Variants in ZNF619 observed in about 807,000 individuals in gnomAD.
ZNF619 encodes zinc finger protein 619.
ZNF619 carries 9 observed loss-of-function variants against 14.2 expected under a neutral mutation model. The ratio of observed to expected loss-of-function variants is 0.64; its 90% confidence interval spans 0.38 to 1.11. The LOEUF is 1.11. Ranked by LOEUF, ZNF619 falls within the 50% of genes least tolerant of loss-of-function variation. ZNF619 has a pLI of 0.01. For missense variants in ZNF619, 659 were observed against 680.1 expected, an observed-to-expected ratio of 0.97 and a Z score of 0.34; for synonymous variants, 246 against 252.8, an observed-to-expected ratio of 0.97 and a Z score of 0.26.
rs752578921 is a variant in ZNF619 at position 40,487,981 on chromosome 3, G to C, written c.1471G>C (p.Ala491Pro). The C allele has an allele frequency of 6.2e-7, 1 of 1,614,164 alleles. No homozygotes were observed. The highest frequency in any genetic ancestry group is 1.1e-5 in the South Asian group (1 of 91,080). The part of the protein sequence containing the change: ...KKLINGTGLS[A>P]VKPYCPCAIL... ...ACTCATCAATGGAACAGGGCTATCC[G>C]CAGTTAAGCCCTACTGTCCCTGCGC... Residue 491 changes from alanine (A) to proline (P), a missense_variant, in exon 5 of 5, where the codon GCA becomes CCA. By Grantham distance (27) the Ala-to-Pro change is conservative. Transcript: ENST00000432264.
chr3:40,483,127 T>C (rs1697461874), intron 4 of ZNF619, among the ~76,000 whole-genome samples: 1 of 152,162 alleles, frequency 6.6e-6, no homozygotes, highest in South Asian at 2.1e-4. Flanking sequence ...GGAGGATCCC[T>C]TGAGCCAGGA....
intron 4 of ZNF619, among the ~76,000 whole-genome samples, chr3:40,485,843 T>A (rs980318443): frequency 6.6e-6 from 1 of 152,172 alleles, no homozygotes; most frequent in African/African-American, 2.4e-5. Flanking sequence ...CCCGCTCCAA[T>A]TGCCATCTCC....
At position 40,482,678 on chromosome 3, in the gene ZNF619, G is replaced by T. The variant is rs779105655; in HGVS notation, c.269G>T (p.Gly90Val). Residue 90 changes from glycine to valine, a missense_variant, in exon 4 of 5, where the codon GGA becomes GTA. Coordinates refer to ENST00000432264, the MANE Select transcript of ZNF619 (RefSeq NM_001145093.4). ...CCAGATCCCTGGACACTTGCTGGGG[G>T]AGAGGCCCTGAGAGGCATGTGCACA... ...WGPDPWTLAGGEALRGMCTGG... is the reference protein window; with the variant it reads ...WGPDPWTLAGVEALRGMCTGG... The T allele has an allele frequency of 5.0e-6, 8 of 1,613,744 alleles. No homozygotes were observed. The highest frequency in any genetic ancestry group is 1.7e-5 in the Admixed American group (1 of 59,980).
chr3:40,481,919 G>T lies in ZNF619; in HGVS notation c.81G>T (p.Val27=). The T allele has an allele frequency of 6.2e-7, 1 of 1,613,896 alleles. No individual in the cohort carries two copies. Among genetic ancestry groups the T allele is most frequent in the Non-Finnish European group, 8.5e-7 (1 of 1,179,880 alleles). The change falls in exon 3 of 5, where the codon GTG becomes GTT. Residue 27 remains valine (V), a synonymous_variant. Transcript: ENST00000432264. Reference sequence around the variant, plus strand: ...CAGTAACCTTTGAGGATGTGGCTGTGTACTTCACCCAGAATGAATGGGCCA... The same window carrying T: ...CAGTAACCTTTGAGGATGTGGCTGTTTACTTCACCCAGAATGAATGGGCCA... ...QEPVTFEDVA[V]YFTQNEWASL...
At chr3:40,481,744 G>C in intron 2 of ZNF619, 119 bp from the exon 3 acceptor site, 1 of 1,360,450 alleles carries the variant, frequency 7.4e-7, no homozygotes, top group Non-Finnish European at 9.9e-7. Context: ...GGCTGCCCCT[G>C]CTGGGGTCCT....
Position 40,487,671 on chromosome 3 carries a change from T to C in ZNF619, c.1161T>C (p.Phe387=). ...AGGCCTTCCACCGCAGTTCGGTATT[T>C]CTTCAGCACCAGAGGTTCCACACTG... ...CGKAFHRSSV[F]LQHQRFHTGE... The change falls in exon 5 of 5, where the codon TTT becomes TTC. Residue 387 remains phenylalanine (F), a synonymous_variant. Transcript: ENST00000432264. The C allele has an allele frequency of 6.2e-7, 1 of 1,613,562 alleles. No individual in the cohort carries two copies.
intron 4 of ZNF619, 140 bp from the exon 5 acceptor site, chr3:40,486,666 A>G: frequency 1.7e-6 from 1 of 604,098 alleles, no homozygotes; most frequent in Non-Finnish European, 2.8e-6. Context: ...ATGCCATTGC[A>G]CTCCAGCCTG....
rs755040213 is a variant in ZNF619 at position 40,486,986 on chromosome 3, A to G, written c.476A>G (p.Asp159Gly). ...HDTGNKTKIG[D>G]CTDLTVQDHE... ...ACAGGGAATAAAACAAAGATAGGGG[A>G]TTGCACAGATTTGACAGTCCAGGAT... The change falls in exon 5 of 5, where the codon GAT becomes GGT. Residue 159 changes from aspartate to glycine, a missense_variant. By Grantham distance (94) the Asp-to-Gly change is moderately conservative. Coordinates refer to ENST00000432264, the MANE Select transcript of ZNF619 (RefSeq NM_001145093.4). 4.3e-6 allele frequency: 7 copies of G among 1,614,206 alleles called. No homozygotes were observed. The South Asian group carries it at 7.7e-5, about 18-fold the overall frequency.
At position 40,487,321 on chromosome 3, in the gene ZNF619, C is replaced by T. The variant is rs141035606; in HGVS notation, c.811C>T (p.Gln271Ter). 2 of 1,614,092 alleles carry T rather than the reference C, an allele frequency of 1.2e-6. No individual in the cohort carries two copies. Among genetic ancestry groups the T allele is most frequent in the Non-Finnish European group, 8.5e-7 (1 of 1,180,010 alleles). The change falls in exon 5 of 5, where the codon CAA (glutamine) becomes TAA (stop). Residue 271 changes from glutamine (Q) to a stop codon, truncating the protein, a stop_gained. Transcript: ENST00000432264. LOFTEE classifies it low-confidence loss of function (END_TRUNC). ...SCEECGQAFS[Q>*]NSHLLQHQKL... is the part of the protein sequence containing the mutation. ...TGAGGAATGTGGACAAGCCTTCAGT[C>T]AAAATTCCCACCTTCTTCAGCATCA...
Position 40,482,655 on chromosome 3 carries a change from A to G in ZNF619, c.246A>G (p.Pro82=), listed in dbSNP as rs1417009598. The change falls in exon 4 of 5, where the codon CCA becomes CCG. Residue 82 remains proline, a synonymous_variant. Coordinates refer to ENST00000432264, the MANE Select transcript of ZNF619 (RefSeq NM_001145093.4). ...AGCAAGGAGAAGCAGCATGGGGCCCAGATCCCTGGACACTTGCTGGGGGAG... is the reference window on the plus strand; with the variant it reads ...AGCAAGGAGAAGCAGCATGGGGCCCGGATCCCTGGACACTTGCTGGGGGAG... ...QLEQGEAAWG[P]DPWTLAGGEA... is the part of the protein sequence containing the mutation. 1.2e-6 allele frequency: 2 copies of G among 1,614,064 alleles called. No homozygotes were observed. Among genetic ancestry groups the G allele is most frequent in the Non-Finnish European group, 1.7e-6 (2 of 1,180,036 alleles).
chr3:40,482,494 C>T, intron 3 of ZNF619, 94 bp from the exon 4 acceptor site: 1 of 1,548,870 alleles, frequency 6.5e-7, no homozygotes, highest in Non-Finnish European at 8.9e-7. Context: ...CCTGGGCCAT[C>T]CTCTTCTATT....
At chr3:40,480,829 T>C (rs1697367201) in intron 2 of ZNF619, among the ~76,000 whole-genome samples, 1 of 152,196 alleles carries the variant, frequency 6.6e-6, no homozygotes, top group South Asian at 2.1e-4. Flanking sequence ...ATGTTAGATT[T>C]CTTCACTCAG....
chr3:40,486,683 A>C, intron 4 of ZNF619, 123 bp from the exon 5 acceptor site: 1 of 664,838 alleles, frequency 1.5e-6, no homozygotes, highest in Non-Finnish European at 2.5e-6. Context: ...CCTGGGCAAC[A>C]AGAGTGAAAC....
intron 4 of ZNF619, 93 bp downstream of exon 4, chr3:40,482,797 A>G (rs1697451204): frequency 1.1e-6 from 1 of 941,902 alleles, no homozygotes; most frequent in Non-Finnish European, 1.6e-6. Context: ...TTGTCATATG[A>G]TGGTTGTGGG....
intron 4 of ZNF619, 106 bp from the exon 5 acceptor site, chr3:40,486,700 C>CAAA (rs397971237): frequency 4.4e-4 from 317 of 716,816 alleles, no homozygotes; most frequent in African/African-American, 2.2e-3. Context: ...AAACTCCACT[C>CAAA]AAAAAAAAAA....
Position 40,488,252 on chromosome 3 carries a change from G to T in ZNF619, c.*11G>T. 1 of 1,370,530 alleles carries T rather than the reference G, an allele frequency of 7.3e-7. No individual in the cohort carries two copies. The highest frequency in any genetic ancestry group is 1.0e-6 in the Non-Finnish European group (1 of 982,852). The allele number at this position is 1,370,530 out of a possible 1,614,324, so 84.9% of individuals were successfully genotyped here. ...TCTCACTCCCTGTAAGCCCCGTCAC[G>T]TTCTCAAAATCCTTTGCACCTCAAG... On this transcript the variant is annotated 3_prime_UTR_variant, in exon 5 of 5. Transcript: ENST00000432264.
At position 40,487,865 on chromosome 3, in the gene ZNF619, G is replaced by A; in HGVS notation, c.1355G>A (p.Gly452Glu). The change falls in exon 5 of 5, where the codon GGG becomes GAG. Residue 452 changes from glycine (G) to glutamate (E), a missense_variant. Coordinates refer to ENST00000432264, the MANE Select transcript of ZNF619 (RefSeq NM_001145093.4). ...GTTCAGCATCAGCGAGTTCACACTG[G>A]GGAGAAACCTTATGAGTGTAAGGAG... ...TLVQHQRVHT[G>E]EKPYECKECG... 2 of 1,614,182 alleles carry A rather than the reference G, an allele frequency of 1.2e-6. No individual in the cohort carries two copies. Among genetic ancestry groups the A allele is most frequent in the South Asian group, 1.1e-5 (1 of 91,082 alleles).
Position 40,489,294 on chromosome 3 carries a change from G to A in ZNF619, c.*1053G>A, listed in dbSNP as rs1188151732. ...CAGTGTGTTGACCTTCCAGGCTCAA[G>A]CAATCCTCCCACCTCAGCTTCCCAA... On this transcript the variant is annotated 3_prime_UTR_variant, in exon 5 of 5. Transcript: ENST00000432264. 1 of 147,214 alleles carries A rather than the reference G, an allele frequency of 6.8e-6. No individual in the cohort carries two copies. The highest frequency in any genetic ancestry group is 1.5e-5 in the Non-Finnish European group (1 of 66,044). 9.1% of individuals were successfully genotyped at this position (147,214 alleles called of 1,614,324 possible).
chr3:40,484,462 TTC>T (rs1697513976), intron 4 of ZNF619, among the ~76,000 whole-genome samples: 1 of 152,244 alleles, frequency 6.6e-6, no homozygotes, highest in African/African-American at 2.4e-5. Flanking sequence ...TGTTATCATA[TTC>T]TGTCAATCTT....
Sources: gnomAD v4.1 joint callset for allele counts (sites outside exome capture counted in the v4.1 genomes callset) on GRCh38, gnomAD v4.1.1 for gene constraint, MANE v1.5 for transcripts, NCBI Gene and HGNC (gene_info 2026-07-23, HGNC 2026-07-21) for gene names.